CCNH: variants seen among roughly 807,000 people sequenced by gnomAD.
CCNH encodes the protein cyclin H, also known as cyclin-H.
CCNH carries 31 observed loss-of-function variants against 41.9 expected under a neutral mutation model. The observed-to-expected ratio is 0.74, with a 90% CI of 0.56 to 1.00. The LOEUF (loss-of-function observed/expected upper bound fraction) is 1.00. CCNH is among the 50% of genes least tolerant of loss of function. The pLI is 0.00. For missense variants in CCNH, 362 were observed against 388.4 expected (o/e 0.93, Z 0.57); for synonymous variants, 138 against 136.1 (o/e 1.01, Z -0.10).
chr5:87,393,565 A>G (rs1249710156), downstream of CCNH: 6 of 152,190 alleles, frequency 3.9e-5, no homozygotes, highest in Non-Finnish European at 5.9e-5. Flanking sequence ...ATATTTTTAT[A>G]TTGACTCATT....
intron 9 of CCNH, among the ~76,000 whole-genome samples, chr5:87,325,384 A>G (rs1175048143): frequency 6.6e-6 from 1 of 152,256 alleles, no homozygotes; most frequent in Non-Finnish European, 1.5e-5. Flanking sequence ...TATATTTGTT[A>G]CAAATAAATA....
intron 9 of CCNH, among the ~76,000 whole-genome samples, chr5:87,325,718 A>G (rs569317732): frequency 6.6e-6 from 1 of 152,338 alleles, no homozygotes; most frequent in East Asian, 1.9e-4. Flanking sequence ...TTTTTATAAA[A>G]GGAACTCTAT....
chr5:87,392,714 T>G (rs1762609248), downstream of CCNH: 1 of 158,692 alleles, frequency 6.3e-6, no homozygotes, highest in Admixed American at 6.4e-5. Flanking sequence ...CTTACCCTGC[T>G]TCTTATATTT....
intron 9 of CCNH, among the ~76,000 whole-genome samples, chr5:87,335,410 A>C (rs976705760): frequency 3.3e-5 from 5 of 150,582 alleles, no homozygotes; most frequent in African/African-American, 1.2e-4. Flanking sequence ...GAAGATAATA[A>C]AGAATGAGGT....
In CCNH at chr5:87,399,518, A is replaced by G; in HGVS notation, c.761-13T>C. The G allele has an allele frequency of 1.9e-6, 3 of 1,551,396 alleles. No homozygotes were observed. The highest frequency in any genetic ancestry group is 2.7e-6 in the Non-Finnish European group (3 of 1,124,000). ...AAGTTTCTCATGCCTATGTGGATAC[A>G]AAAAAAGAATTTAAACTGAATAAGC... On this transcript the variant is annotated splice_polypyrimidine_tract_variant and intron_variant, in intron 6 of 8. Coordinates refer to ENST00000256897, the MANE Select transcript of CCNH (RefSeq NM_001239.4).
intron 9 of CCNH, among the ~76,000 whole-genome samples, chr5:87,333,034 A>G (rs934336147): frequency 6.6e-6 from 1 of 152,162 alleles, no homozygotes; most frequent in African/African-American, 2.4e-5. Flanking sequence ...ATGATCATTC[A>G]TATTACGTTA....
chr5:87,383,480 T>C (rs1056998100), intron 9 of CCNH, among the ~76,000 whole-genome samples: 2 of 152,074 alleles, frequency 1.3e-5, no homozygotes, highest in African/African-American at 4.8e-5. Context: ...ACATTCTAAA[T>C]TGGGAAAAGT....
In CCNH at chr5:87,410,519, T is replaced by C. The variant is rs184131588; in HGVS notation, c.240+705A>G. 5.6e-3 allele frequency among the ~76,000 whole-genome samples: 847 copies of C among 152,318 alleles called. 2 individuals are homozygous for C. Among genetic ancestry groups the C allele is most frequent in the Non-Finnish European group, 8.8e-3 (601 of 68,010 alleles). On this transcript the variant is annotated intron_variant, in intron 2 of 8. Coordinates refer to ENST00000256897, the MANE Select transcript of CCNH (RefSeq NM_001239.4). ...AATTATTCTCTACTGGGTCGTAAGC[T>C]AGTCACGCTGTATAACTTTAAAACT...
chr5:87,391,936 A>AAAAG, downstream of CCNH: 1 of 233,344 alleles, frequency 4.3e-6, no homozygotes, highest in African/African-American at 2.2e-5. Flanking sequence ...ACTTCTGTCT[A>AAAAG]AAAGAGCTAA....
Position 87,369,808 on chromosome 5 carries a change from TA to T in CCNH, c.*90+22961del, listed in dbSNP as rs973746295. On this transcript the variant is annotated intron_variant and NMD_transcript_variant, in intron 9 of 9. Coordinates refer to the CCNH transcript ENST00000645953. The stretch of plus-strand genomic sequence containing the variant: ...TTCCTAATAATTTTTGTTTTTATTT[TA>T]AAGGCCAAACTGTTTTCAGATAGTA... 11 of 1,608,122 alleles carry T rather than the reference TA, an allele frequency of 6.8e-6. No homozygotes were observed. The highest frequency in any genetic ancestry group is 9.4e-6 in the Non-Finnish European group (11 of 1,176,030).
intron 9 of CCNH, among the ~76,000 whole-genome samples, chr5:87,333,933 T>C (rs1325796018): frequency 6.6e-6 from 1 of 152,156 alleles, no homozygotes; most frequent in African/African-American, 2.4e-5. Flanking sequence ...AAAATGCATA[T>C]ATTGAAGAAC....
In CCNH at chr5:87,405,637, T is replaced by G. The variant is rs550080097; in HGVS notation, c.526-630A>C. ...ATGCCTCACCTGTGATATGACAAATTCAGACCCACTACTCTGACCACAATG... is the reference window on the plus strand; with the variant it reads ...ATGCCTCACCTGTGATATGACAAATGCAGACCCACTACTCTGACCACAATG... On this transcript the variant is annotated intron_variant, in intron 4 of 8. Coordinates refer to ENST00000256897, the MANE Select transcript of CCNH (RefSeq NM_001239.4). Among the ~76,000 whole-genome samples the G allele has an allele frequency of 4.8e-4, 73 of 152,180 alleles. 1 individual carries two copies. Among genetic ancestry groups the G allele is most frequent in the African/African-American group, 1.7e-3 (72 of 41,518 alleles).
At chr5:87,385,250 TG>T (rs1462513007) in intron 9 of CCNH, 3 of 1,136,454 alleles carry the variant, frequency 2.6e-6, no homozygotes, top group Non-Finnish European at 4.0e-6. Flanking sequence ...ATGGTTTAGC[TG>T]GAAGTGCTGT....
At chr5:87,369,376 A>G (rs1351339240) in intron 9 of CCNH, among the ~76,000 whole-genome samples, 2 of 152,168 alleles carry the variant, frequency 1.3e-5, no homozygotes, top group South Asian at 2.1e-4. Flanking sequence ...GTGAAGAAAA[A>G]TGATCAGTTT....
At chr5:87,372,100 T>C (rs1760993404), downstream of CCNH, 1 of 1,610,674 alleles carries the variant, frequency 6.2e-7, no homozygotes, top group Admixed American at 1.7e-5. Context: ...TTCTTTGAAG[T>C]GCTGTTTTTC....
chr5:87,342,556 A>C (rs573893425), intron 9 of CCNH, among the ~76,000 whole-genome samples: 4 of 152,224 alleles, frequency 2.6e-5, no homozygotes, highest in Non-Finnish European at 4.4e-5. Context: ...TTCTTTAGAC[A>C]CAATAATCTT....
intron 2 of CCNH, 122 bp from the exon 3 acceptor site, chr5:87,409,485 A>G: frequency 1.8e-6 from 1 of 546,348 alleles, no homozygotes; most frequent in Admixed American, 3.6e-5. Flanking sequence ...AAATACTAAT[A>G]CTCATTAATT....
chr5:87,405,076 T>C (rs1384397914), intron 4 of CCNH, 69 bp from the exon 5 acceptor site: 1 of 1,062,860 alleles, frequency 9.4e-7, no homozygotes, highest in Non-Finnish European at 1.4e-6. Flanking sequence ...AGTTTAAAAA[T>C]TACACAACTC....
downstream of CCNH, chr5:87,374,446 T>A: frequency 3.7e-6 from 1 of 268,572 alleles, no homozygotes; most frequent in Non-Finnish European, 6.1e-6. Context: ...TAATAGCATA[T>A]ATATATATAT....
Sources: allele counts gnomAD v4.1 joint callset (sites outside exome capture counted in the v4.1 genomes callset), GRCh38; gene constraint gnomAD v4.1.1; transcripts MANE v1.5; gene names NCBI Gene and HGNC (gene_info 2026-07-23, HGNC 2026-07-21).